Variants in WNK4 observed in about 807,000 individuals in gnomAD.
The protein encoded by WNK4 is WNK lysine deficient protein kinase 4.
In WNK4, 94 loss-of-function variants were observed where a neutral mutation model predicts 116.2. The observed-to-expected ratio is 0.81, with a 90% CI of 0.68 to 0.96. WNK4 has a LOEUF of 0.96. Among genes scored for constraint, WNK4 ranks in the 40% least tolerant of loss-of-function variants. The pLI is 0.00. For synonymous variants in WNK4, 655 were observed against 672.7 expected (o/e 0.97, Z 0.41); for missense variants, 1,542 against 1,650.6 (o/e 0.93, Z 1.14).
chr17:42,781,411 G>A, intron 1 of WNK4, 95 bp downstream of exon 1: 1 of 1,543,920 alleles, frequency 6.5e-7, no homozygotes, highest in Non-Finnish European at 8.9e-7. Context: ...ATCAAGGGAA[G>A]CATGTATTTT....
At position 42,796,194 on chromosome 17, in the gene WNK4, G is replaced by A. The variant is rs2054669133; in HGVS notation, c.3503G>A (p.Gly1168Glu). The A allele has an allele frequency of 6.2e-7, 1 of 1,614,030 alleles. No individual in the cohort carries two copies. The highest frequency in any genetic ancestry group is 1.3e-5 in the African/African-American group (1 of 75,030). Residue 1168 changes from glycine to glutamate, a missense_variant, in exon 17 of 19, where the codon GGG becomes GAG. By Grantham distance (98) the Gly-to-Glu change is moderately conservative (BLOSUM62 -2). This residue lies in a region of WNK4 where 148 missense variants were observed against 157.2 expected (regional missense o/e 0.94). Transcript: ENST00000246914. ...KEIEDLYSRLGKQPPPGIVAP... is the reference protein window; with the variant it reads ...KEIEDLYSRLEKQPPPGIVAP... ...ATTGAAGATTTGTACAGCCGGCTGGGGAAGCAGCCCCCACCGGGTATTGTG... is the reference window on the plus strand; with the variant it reads ...ATTGAAGATTTGTACAGCCGGCTGGAGAAGCAGCCCCCACCGGGTATTGTG...
rs1261136433 is a variant in WNK4 at position 42,789,706 on chromosome 17, A to AAATAAAT, written c.2157+913_2157+914insAATAATA. 4.7e-5 allele frequency among the ~76,000 whole-genome samples: 7 copies of AAATAAAT among 149,258 alleles called. No individual in the cohort carries two copies. The East Asian group carries it at 1.2e-3, about 26-fold the overall frequency. Reference sequence around the variant, plus strand: ...TAAATAAATAAATAAATAAATAAATAAATAGAGAGGCAGAGCAGGCTAGGT... The same window carrying AAATAAAT: ...TAAATAAATAAATAAATAAATAAATAAATAAATAATAGAGAGGCAGAGCAGGCTAGGT... On this transcript the variant is annotated intron_variant, in intron 11 of 18. Coordinates refer to ENST00000246914, the MANE Select transcript of WNK4 (RefSeq NM_032387.5).
chr17:42,795,908 C>G lies in WNK4; in HGVS notation c.3306C>G (p.Pro1102=). 1 of 1,611,694 alleles carries G rather than the reference C, an allele frequency of 6.2e-7. No homozygotes were observed. The change falls in exon 16 of 19, where the codon CCC becomes CCG. Residue 1102 remains proline (P), a synonymous_variant. Transcript: ENST00000246914. ...CCCAAGTTGGGGGCAGCCCCCAACC[C>G]CTGAGCCATCCCAGCCCAGTGTGGA... ...KEPQVGGSPQ[P]LSHPSPVWMN...
At chr17:42,793,170 C>T (rs2054622870) in intron 11 of WNK4, among the ~76,000 whole-genome samples, 1 of 152,136 alleles carries the variant, frequency 6.6e-6, no homozygotes, top group African/African-American at 2.4e-5. Context: ...TAGGTATTTA[C>T]TTGTTTTAGG....
At chr17:42,788,880 C>T in intron 11 of WNK4, 83 bp downstream of exon 11, 1 of 1,101,224 alleles carries the variant, frequency 9.1e-7, no homozygotes. Flanking sequence ...CTGAAACCCA[C>T]TGATCCGACA....
intron 2 of WNK4, among the ~76,000 whole-genome samples, chr17:42,783,144 C>T: frequency 6.6e-6 from 1 of 152,162 alleles, no homozygotes; most frequent in Admixed American, 6.5e-5. Flanking sequence ...ACTCCTCTTT[C>T]TCCACTCTGC....
Position 42,787,794 on chromosome 17 carries a change from T to A in WNK4, c.1758T>A (p.Asp586Glu). The A allele has an allele frequency of 6.2e-7, 1 of 1,612,452 alleles. No homozygotes were observed. Among genetic ancestry groups the A allele is most frequent in the African/African-American group, 1.3e-5 (1 of 75,040 alleles). ...CCCAACCAGCGGATTGCGAGACTGATGGCTACCTCAGCTCCTCCGGCTTCC... is the reference window on the plus strand; with the variant it reads ...CCCAACCAGCGGATTGCGAGACTGAAGGCTACCTCAGCTCCTCCGGCTTCC... ...YSSTTSDCET[D>E]GYLSSSGFLD... Residue 586 changes from aspartate to glutamate, a missense_variant, in exon 8 of 19, where the codon GAT becomes GAA. Around this residue, in one of 7 missense-constraint regions of WNK4, gnomAD observed 808 missense variants for 873.6 expected, o/e 0.92. Coordinates refer to ENST00000246914, the MANE Select transcript of WNK4 (RefSeq NM_032387.5).
At chr17:42,787,959 C>T (rs1479265175) in intron 8 of WNK4, 60 bp downstream of exon 8, 2 of 1,606,470 alleles carry the variant, frequency 1.2e-6, no homozygotes, top group Admixed American at 1.7e-5. Flanking sequence ...TATCTCCCTC[C>T]TTGTGAAACC....
rs2054654646 is a variant in WNK4, at chr17:42,795,351, C to G, written c.2930C>G (p.Pro977Arg). ...PPVAPGGQESPSPHTAEVESE... is the reference protein window; with the variant it reads ...PPVAPGGQESRSPHTAEVESE... ...GTTGCTCCTGGTGGCCAGGAAAGCC[C>G]TTCACCCCACACAGCTGAGGTGGAG... Residue 977 changes from proline (P) to arginine (R), a missense_variant, in exon 14 of 19, where the codon CCT (proline) becomes CGT (arginine). Coordinates refer to ENST00000246914, the MANE Select transcript of WNK4 (RefSeq NM_032387.5). 1 of 1,614,124 alleles carries G rather than the reference C, an allele frequency of 6.2e-7. No homozygotes were observed. Among genetic ancestry groups the G allele is most frequent in the African/African-American group, 1.3e-5 (1 of 75,032 alleles).
Position 42,788,719 on chromosome 17 carries a change from A to T in WNK4, c.2079A>T (p.Leu693=). 1 of 1,614,132 alleles carries T rather than the reference A, an allele frequency of 6.2e-7. No homozygotes were observed. The highest frequency in any genetic ancestry group is 1.1e-5 in the South Asian group (1 of 91,076). Residue 693 remains leucine, a synonymous_variant, in exon 11 of 19, where the codon CTA becomes CTT. Transcript: ENST00000246914. ...ATGACAGAGTGGTTGAGTGCCAGCT[A>T]CAGACCCATAACAGCAAGATGGTGA... The part of the protein sequence containing the change: ...DQNDRVVECQ[L]QTHNSKMVTF...
rs1449271462 is a variant in WNK4, at chr17:42,783,948, G to A, written c.803G>A (p.Arg268Gln). The change falls in exon 3 of 19, where the codon CGG becomes CAG. Residue 268 changes from arginine to glutamine, a missense_variant. Arg to Gln is a conservative substitution (Grantham distance 43). This residue lies in a region of WNK4 where 808 missense variants were observed against 873.6 expected (regional missense o/e 0.92). Transcript: ENST00000246914. ...GCGCCCTCCCCCAGGTACCTGAGGCGGTTCCGGGAGATGAAGCCGCGGGTC... is the reference window on the plus strand; with the variant it reads ...GCGCCCTCCCCCAGGTACCTGAGGCAGTTCCGGGAGATGAAGCCGCGGGTC... Reference protein sequence around the residue: ...TSGTLKTYLRRFREMKPRVLQ... With the variant: ...TSGTLKTYLRQFREMKPRVLQ... The A allele has an allele frequency of 6.2e-7, 1 of 1,613,406 alleles. No homozygotes were observed. The highest frequency in any genetic ancestry group is 1.1e-5 in the South Asian group (1 of 91,052).
Position 42,782,976 on chromosome 17 carries a change from G to A in WNK4, c.791+46G>A. The A allele has an allele frequency of 6.2e-7, 1 of 1,603,294 alleles. No homozygotes were observed. The highest frequency in any genetic ancestry group is 8.5e-7 in the Non-Finnish European group (1 of 1,174,714). Reference sequence around the variant, plus strand: ...GGTGGGGAGAGGGAGGCTGGGATGTGTGCCCACTGCTTCCTGAACTCCCAG... The same window carrying A: ...GGTGGGGAGAGGGAGGCTGGGATGTATGCCCACTGCTTCCTGAACTCCCAG... On this transcript the variant is annotated intron_variant, in intron 2 of 18. Transcript: ENST00000246914. The surrounding 1 kb of genome is among the most constrained non-coding windows in gnomAD (Gnocchi z 4.2).
At chr17:42,787,173 G>T (rs554650832) in intron 6 of WNK4, 105 bp from the exon 7 acceptor site, 1 of 1,521,154 alleles carries the variant, frequency 6.6e-7, no homozygotes, top group Non-Finnish European at 8.9e-7. Context: ...ATCAGTAAGT[G>T]TTGGTTTTCT....
intron 2 of WNK4, 73 bp from the exon 3 acceptor site, chr17:42,783,864 A>G (rs762298742): frequency 1.5e-5 from 22 of 1,437,850 alleles, no homozygotes; most frequent in Middle Eastern, 1.7e-4. Flanking sequence ...GCAGGGGGGA[A>G]CTTCCCAGTG....
In WNK4 at chr17:42,795,822, G is replaced by A. The variant is rs778306015; in HGVS notation, c.3220G>A (p.Asp1074Asn). The A allele has an allele frequency of 1.9e-6, 3 of 1,613,836 alleles. No individual in the cohort carries two copies. The highest frequency in any genetic ancestry group is 1.1e-5 in the South Asian group (1 of 91,062). ...GACCAGGGAAGCTCTGGCTGAGAGC[G>A]ACCGTGCAGCTGAGGGTCTGGGGGC... ...PETREALAES[D>N]RAAEGLGAGV... Residue 1074 changes from aspartate (D) to asparagine (N), a missense_variant, in exon 16 of 19, where the codon GAC (aspartate) becomes AAC (asparagine). Physicochemically the swap from Asp to Asn is conservative, Grantham distance 23. Around this residue, in one of 7 missense-constraint regions of WNK4, gnomAD observed 292 missense variants for 290.1 expected, o/e 1.01. Transcript: ENST00000246914.
chr17:42,796,001 G>C lies in WNK4; in HGVS notation c.3399G>C (p.Glu1133Asp), dbSNP rs1441894143. Residue 1133 changes from glutamate (E) to aspartate (D), a missense_variant, in exon 16 of 19, where the codon GAG (glutamate) becomes GAC (aspartate). This residue lies in a region of WNK4 where 148 missense variants were observed against 157.2 expected (regional missense o/e 0.94). Coordinates refer to ENST00000246914, the MANE Select transcript of WNK4 (RefSeq NM_032387.5). ...CAGAAAGCAGTGGGGAAGATGAGGA[G>C]TTCTGGGCTGAGCTGCAGAGTCTTC... Reference protein sequence around the residue: ...EESESSGEDEEFWAELQSLRQ... With the variant: ...EESESSGEDEDFWAELQSLRQ... The C allele has an allele frequency of 6.2e-7, 1 of 1,613,738 alleles. No homozygotes were observed. The highest frequency in any genetic ancestry group is 1.3e-5 in the African/African-American group (1 of 74,906).
At chr17:42,793,823 C>A in intron 12 of WNK4, 94 bp downstream of exon 12, 1 of 1,512,844 alleles carries the variant, frequency 6.6e-7, no homozygotes, top group Non-Finnish European at 9.1e-7. Flanking sequence ...GGATTTAACT[C>A]CTCTTCATCT....
At chr17:42,789,851 A>T (rs1483020395) in intron 11 of WNK4, among the ~76,000 whole-genome samples, 1 of 150,940 alleles carries the variant, frequency 6.6e-6, no homozygotes, top group Non-Finnish European at 1.5e-5. Context: ...CAAAAAATTT[A>T]AAAAATTAGC....
At position 42,796,854 on chromosome 17, in the gene WNK4, G is replaced by A; in HGVS notation, c.*166G>A. The A allele has an allele frequency of 7.2e-7, 1 of 1,384,074 alleles. No individual in the cohort carries two copies. 85.7% of individuals were successfully genotyped at this position (1,384,074 alleles called of 1,614,324 possible). ...GAGAGTGCAGCTCCATTATAGTGAA[G>A]AGCCAAACATATGTGAACTGTTTGC... On this transcript the variant is annotated 3_prime_UTR_variant, in exon 19 of 19. Coordinates refer to ENST00000246914, the MANE Select transcript of WNK4 (RefSeq NM_032387.5).
Sources: allele counts gnomAD v4.1 joint callset (sites outside exome capture counted in the v4.1 genomes callset), GRCh38; gene constraint gnomAD v4.1.1; regional missense constraint gnomAD v4.1.1; non-coding constraint Gnocchi (gnomAD v3.1); transcripts MANE v1.5; gene names NCBI Gene and HGNC (gene_info 2026-07-23, HGNC 2026-07-21).